PPP2R2B: variants seen among roughly 807,000 people sequenced by gnomAD.
PPP2R2B encodes protein phosphatase 2 regulatory subunit Bbeta.
A neutral mutation model predicts 46.0 loss-of-function variants in PPP2R2B; 5 were observed. The observed-to-expected ratio is 0.11, with a 90% CI of 0.06 to 0.23. The LOEUF (loss-of-function observed/expected upper bound fraction) is 0.23, where lower values mean the gene tolerates loss of function less well. Ranked by LOEUF, PPP2R2B falls within the 10% of genes least tolerant of loss-of-function variation. PPP2R2B has a pLI of 1.00. For missense variants in PPP2R2B, 367 were observed against 575.0 expected (o/e 0.64, Z 3.70); for synonymous variants, 215 against 206.7 (o/e 1.04, Z -0.34).
chr5:146,878,139 C>T lies in PPP2R2B; in HGVS notation c.-68G>A. 1.2e-6 allele frequency: 2 copies of T among 1,611,246 alleles called. No homozygotes were observed. The highest frequency in any genetic ancestry group is 1.7e-6 in the Non-Finnish European group (2 of 1,178,642). ...AAGTATCCATGATCCCTCCCCGCAG[C>T]CAGTCTCACAGGAGAGGGGGGCAGG... is the stretch of plus-strand genomic sequence containing the variant. On this transcript the variant is annotated 5_prime_UTR_variant, in exon 2 of 10. Transcript: ENST00000394411. The surrounding 1 kb of genome is among the most constrained non-coding windows in gnomAD (Gnocchi z 4.5).
rs538780584 is a variant in PPP2R2B at position 146,583,444 on chromosome 5, G to A, written c.*6503C>T. 2.8e-4 allele frequency: 42 copies of A among 152,202 alleles called. 1 individual carries two copies. The highest frequency in any genetic ancestry group is 2.7e-3 in the Admixed American group (42 of 15,280). The allele number at this position is 152,202 out of a possible 1,614,324, so 9.4% of individuals were successfully genotyped here. ...ATCCTTATCTCATAATGAGAAAATC[G>A]AGGCACAGAGAGGTTGTCATTTTTC... On this transcript the variant is annotated 3_prime_UTR_variant, in exon 10 of 10. Transcript: ENST00000394411.
At chr5:146,605,544 C>G (rs980261037) in intron 7 of PPP2R2B, among the ~76,000 whole-genome samples, 1 of 152,162 alleles carries the variant, frequency 6.6e-6, no homozygotes, top group African/African-American at 2.4e-5. Context: ...ACGCAATTAC[C>G]CTATTGTTGG....
chr5:147,071,105 A>T (rs552331511), intron 2 of PPP2R2B, among the ~76,000 whole-genome samples: 1 of 152,238 alleles, frequency 6.6e-6, no homozygotes, highest in South Asian at 2.1e-4. Context: ...AAAAAATCAG[A>T]ATGTCCTTTC....
chr5:146,738,022 C>A (rs1752642111), intron 2 of PPP2R2B, among the ~76,000 whole-genome samples: 1 of 152,070 alleles, frequency 6.6e-6, no homozygotes, highest in African/African-American at 2.4e-5. Context: ...GGTACAAAGA[C>A]CATCAACACA....
intron 1 of PPP2R2B, among the ~76,000 whole-genome samples, chr5:147,046,754 A>G (rs144830349): frequency 0.011 from 1,660 of 152,032 alleles, 17 homozygotes; most frequent in Non-Finnish European, 0.019. Context: ...TTTTACCTGT[A>G]AAATGTGGAT....
intron 1 of PPP2R2B, among the ~76,000 whole-genome samples, chr5:146,971,385 C>T (rs1158363802): frequency 6.6e-6 from 1 of 152,132 alleles, no homozygotes; most frequent in Non-Finnish European, 1.5e-5. Flanking sequence ...TACATGGTAA[C>T]GTACTATCCA....
chr5:146,671,721 A>T (rs944124738), intron 5 of PPP2R2B, among the ~76,000 whole-genome samples: 1 of 152,206 alleles, frequency 6.6e-6, no homozygotes, highest in African/African-American at 2.4e-5. Context: ...GAGAGCACAA[A>T]ACTACATCCT....
Position 146,878,747 on chromosome 5 carries a change from CTG to C in PPP2R2B, c.-283_-282del. On this transcript the variant is annotated 5_prime_UTR_variant, in exon 1 of 10. Coordinates refer to ENST00000394411, the MANE Select transcript of PPP2R2B (RefSeq NM_181675.4). This position sits in a 1 kb window ranked among gnomAD's most constrained non-coding sequence, Gnocchi z 4.5. Reference sequence around the variant, plus strand: ...CTCGCAGCTGCTGCTGCTGCTGCTGCTGCTGCTGCTGCAGGAGGCTGGAGGCG... The same window carrying C: ...CTCGCAGCTGCTGCTGCTGCTGCTGCCTGCTGCTGCAGGAGGCTGGAGGCG... 7.5e-7 allele frequency: 1 copy of C among 1,335,714 alleles called. No homozygotes were observed. The allele number at this position is 1,335,714 out of a possible 1,614,324, so 82.7% of individuals were successfully genotyped here. A position where few individuals can be genotyped will look rare whatever the true frequency, so the allele number is the denominator to read the frequency against.
chr5:147,026,253 C>T lies in PPP2R2B; in HGVS notation c.79+29412G>A, dbSNP rs139606274. Among the ~76,000 whole-genome samples the T allele has an allele frequency of 3.1e-3, 473 of 152,172 alleles. 1 individual carries two copies. The highest frequency in any genetic ancestry group is 1.0e-2 in the African/African-American group (414 of 41,518). On this transcript the variant is annotated intron_variant, in intron 1 of 8. Transcript: ENST00000336640. Reference sequence around the variant, plus strand: ...CAAATATCCATCAACAGATAAAGTACGGTATATCCATACAATGGGACACTT... The same window carrying T: ...CAAATATCCATCAACAGATAAAGTATGGTATATCCATACAATGGGACACTT...
intron 1 of PPP2R2B, among the ~76,000 whole-genome samples, chr5:146,931,984 G>A (rs1029050222): frequency 3.3e-5 from 5 of 152,134 alleles, no homozygotes; most frequent in Admixed American, 6.6e-5. Flanking sequence ...ATCCATGTCT[G>A]GTCATCAGCA....
chr5:146,888,224 C>T (rs1762390172), intron 1 of PPP2R2B, among the ~76,000 whole-genome samples: 1 of 152,102 alleles, frequency 6.6e-6, no homozygotes, highest in Non-Finnish European at 1.5e-5. Flanking sequence ...GCATAAACCT[C>T]TCCCCAGACC....
intron 5 of PPP2R2B, among the ~76,000 whole-genome samples, chr5:146,652,596 C>T (rs1776048091): frequency 6.6e-6 from 1 of 151,950 alleles, no homozygotes; most frequent in African/African-American, 2.4e-5. Context: ...TTAACCAGGC[C>T]AGGAGGGGAG....
chr5:146,693,144 TTTTCCTTCCTTCTTTC>T (rs1265010470), intron 4 of PPP2R2B, among the ~76,000 whole-genome samples: 1 of 151,162 alleles, frequency 6.6e-6, no homozygotes, highest in Non-Finnish European at 1.5e-5. Flanking sequence ...TCCCTCCCTT[TTTTCCTTCCTTCTTTC>T]TTTCCTTCCT....
At chr5:146,756,255 CA>C (rs1753824243) in intron 2 of PPP2R2B, among the ~76,000 whole-genome samples, 1 of 152,138 alleles carries the variant, frequency 6.6e-6, no homozygotes, top group South Asian at 2.1e-4. Flanking sequence ...AGTGGGTTAC[CA>C]TTCATTGCCT....
At chr5:146,712,967 A>T (rs1398600903) in intron 2 of PPP2R2B, among the ~76,000 whole-genome samples, 1 of 152,244 alleles carries the variant, frequency 6.6e-6, no homozygotes, top group Non-Finnish European at 1.5e-5. Context: ...AATTAAAAAT[A>T]GATAAGATAT....
chr5:146,915,640 A>G (rs1763359704), intron 1 of PPP2R2B, among the ~76,000 whole-genome samples: 1 of 152,170 alleles, frequency 6.6e-6, no homozygotes, highest in South Asian at 2.1e-4. Context: ...TAGAGAAAGA[A>G]ACATAATATT....
intron 1 of PPP2R2B, among the ~76,000 whole-genome samples, chr5:147,014,386 G>A (rs1342654973): frequency 6.7e-6 from 1 of 149,492 alleles, no homozygotes; most frequent in Non-Finnish European, 1.5e-5. Context: ...CCATTACTGG[G>A]TATATACCCA....
At chr5:146,959,015 T>C (rs188781123) in intron 1 of PPP2R2B, among the ~76,000 whole-genome samples, 1 of 152,324 alleles carries the variant, frequency 6.6e-6, no homozygotes, top group East Asian at 1.9e-4. Context: ...TATTTCACAT[T>C]TGGTTCTTAC....
At chr5:146,590,254 C>T in intron 9 of PPP2R2B, 28 bp from the exon 10 acceptor site, 1 of 1,603,836 alleles carries the variant, frequency 6.2e-7, no homozygotes, top group Non-Finnish European at 8.5e-7. Flanking sequence ...AAGGCAATGA[C>T]ATATCTTCAC....
Sources: allele counts gnomAD v4.1 joint callset (sites outside exome capture counted in the v4.1 genomes callset), GRCh38; gene constraint gnomAD v4.1.1; non-coding constraint Gnocchi (gnomAD v3.1); transcripts MANE v1.5; gene names NCBI Gene and HGNC (gene_info 2026-07-23, HGNC 2026-07-21).